The following UNC80 variants were observed in gnomAD, a reference collection of about 807,000 sequenced individuals.
UNC80 encodes unc-80 subunit of NALCN channel complex.
A neutral mutation model predicts 384.6 loss-of-function variants in UNC80; 164 were observed. That is an observed-to-expected ratio of 0.43 (90% confidence interval 0.38 to 0.49). The LOEUF is 0.49. Ranked by LOEUF, UNC80 falls within the 20% of genes least tolerant of loss-of-function variation. UNC80 has a pLI of 0.00. For synonymous variants in UNC80, 1,486 were observed against 1,527.8 expected (o/e 0.97, Z 0.64); for missense variants, 3,330 against 4,143.0 (o/e 0.80, Z 5.39).
At position 209,982,274 on chromosome 2, in the gene UNC80, A is replaced by G. The variant is rs1032613518; in HGVS notation, c.9214A>G (p.Met3072Val). The change falls in exon 60 of 65, where the codon ATG becomes GTG. Residue 3072 changes from methionine (M) to valine (V), a missense_variant. By Grantham distance (21) the Met-to-Val change is conservative. Coordinates refer to ENST00000673920, the MANE Select transcript of UNC80 (RefSeq NM_001371986.1). Reference sequence around the variant, plus strand: ...GCGATTCTCCAGCCATGTCTCCAGCATGTCTGTACCTCAGGCTGAGGTGGG... The same window carrying G: ...GCGATTCTCCAGCCATGTCTCCAGCGTGTCTGTACCTCAGGCTGAGGTGGG... ...RRRFSSHVSS[M>V]SVPQAEVGML... is the part of the protein sequence containing the mutation. The G allele has an allele frequency of 3.9e-6, 6 of 1,551,546 alleles. No individual in the cohort carries two copies. In the African/African-American group the frequency reaches 8.2e-5, roughly 21 times the overall value.
chr2:209,978,925 G>T (rs549283134), intron 59 of UNC80, among the ~76,000 whole-genome samples: 1 of 152,124 alleles, frequency 6.6e-6, no homozygotes, highest in Non-Finnish European at 1.5e-5. Flanking sequence ...AGAATTCAGG[G>T]AAAAAGTAAA....
At position 209,866,533 on chromosome 2, in the gene UNC80, C is replaced by CAGAG. The variant is rs369408644; in HGVS notation, c.3628-6195_3628-6192dup. ...ACACACACACACACACACACACACACAGAGAGAGAGAGAGAGAGAGAGAGA... is the reference window on the plus strand; with the variant it reads ...ACACACACACACACACACACACACACAGAGAGAGAGAGAGAGAGAGAGAGAGAGA... On this transcript the variant is annotated intron_variant, in intron 22 of 64. Coordinates refer to ENST00000673920, the MANE Select transcript of UNC80 (RefSeq NM_001371986.1). 5.1e-3 allele frequency among the ~76,000 whole-genome samples: 527 copies of CAGAG among 104,070 alleles called. 18 individuals carry two copies. The South Asian group carries it at 0.063, about 13-fold the overall frequency. The allele number at this position is 104,070 out of a possible 152,430, so 68.3% of individuals were successfully genotyped here. A position where few individuals can be genotyped will look rare whatever the true frequency, so the allele number is the denominator to read the frequency against.
chr2:209,811,279 T>C (rs1031034903), intron 7 of UNC80, among the ~76,000 whole-genome samples: 9 of 152,050 alleles, frequency 5.9e-5, no homozygotes, highest in African/African-American at 1.7e-4. Context: ...GCAAGCATAA[T>C]AGAGAATGAG....
At chr2:209,843,031 G>C (rs2081882592) in intron 21 of UNC80, among the ~76,000 whole-genome samples, 1 of 152,118 alleles carries the variant, frequency 6.6e-6, no homozygotes, top group African/African-American at 2.4e-5. Flanking sequence ...AGCTCCATAT[G>C]TTATCCATTT....
intron 8 of UNC80, 54 bp downstream of exon 8, chr2:209,813,895 T>C: frequency 1.3e-6 from 2 of 1,525,624 alleles, no homozygotes; most frequent in Admixed American, 4.2e-5. Flanking sequence ...CCATAATGGA[T>C]TCTTTTTTTC....
intron 25 of UNC80, among the ~76,000 whole-genome samples, chr2:209,882,694 C>T (rs1008886849): frequency 3.9e-5 from 6 of 152,154 alleles, no homozygotes; most frequent in African/African-American, 1.4e-4. Flanking sequence ...TCAGTATTAT[C>T]CCTATCAGCA....
chr2:209,837,788 T>C (rs76228141), intron 18 of UNC80, among the ~76,000 whole-genome samples: 1 of 151,714 alleles, frequency 6.6e-6, no homozygotes, highest in South Asian at 2.1e-4. Context: ...TTTTTTTTTT[T>C]TGAGACGGAG....
chr2:209,877,821 C>T lies in UNC80; in HGVS notation c.3841-133C>T, dbSNP rs1341038872. Reference sequence around the variant, plus strand: ...ACTGGCAAATATGGTGGAAACAACACTGTGGCATACAGAAGAGGCTTATGC... The same window carrying T: ...ACTGGCAAATATGGTGGAAACAACATTGTGGCATACAGAAGAGGCTTATGC... On this transcript the variant is annotated intron_variant, in intron 23 of 64. Coordinates refer to ENST00000673920, the MANE Select transcript of UNC80 (RefSeq NM_001371986.1). 5.0e-6 allele frequency: 5 copies of T among 993,568 alleles called. No homozygotes were observed. The African/African-American group carries it at 6.7e-5, about 13-fold the overall frequency. The allele number at this position is 993,568 out of a possible 1,614,324, so 61.5% of individuals were successfully genotyped here.
At chr2:209,898,528 A>C (rs1164543971) in intron 28 of UNC80, among the ~76,000 whole-genome samples, 1 of 152,148 alleles carries the variant, frequency 6.6e-6, no homozygotes, top group Non-Finnish European at 1.5e-5. Flanking sequence ...TGTGGGGTAC[A>C]TGAGGTGTTT....
chr2:209,818,537 A>T (rs1037608575), intron 11 of UNC80, among the ~76,000 whole-genome samples: 5 of 152,182 alleles, frequency 3.3e-5, no homozygotes, highest in African/African-American at 1.2e-4. Context: ...GTATTCAATG[A>T]TATCTGTTAG....
chr2:209,921,764 T>C lies in UNC80; in HGVS notation c.5530+78T>C. On this transcript the variant is annotated intron_variant, in intron 34 of 64. Coordinates refer to ENST00000673920, the MANE Select transcript of UNC80 (RefSeq NM_001371986.1). ...TGCTCTGAAATTAACATTGACAATTTTATGTGACATGAGGTGATATGCCCC... is the reference window on the plus strand; with the variant it reads ...TGCTCTGAAATTAACATTGACAATTCTATGTGACATGAGGTGATATGCCCC... The C allele has an allele frequency of 4.2e-6, 6 of 1,413,494 alleles. No individual in the cohort carries two copies. In the South Asian group the frequency reaches 9.1e-5, roughly 21 times the overall value. 87.6% of individuals were successfully genotyped at this position (1,413,494 alleles called of 1,614,324 possible).
chr2:209,786,209 A>T lies in UNC80; in HGVS notation c.724+20A>T. Reference sequence around the variant, plus strand: ...TTACAGGTTTGTAACTTGGACACTCAGTAGGACAGTATTAGCAGATTCCCT... The same window carrying T: ...TTACAGGTTTGTAACTTGGACACTCTGTAGGACAGTATTAGCAGATTCCCT... On this transcript the variant is annotated intron_variant, in intron 5 of 64. Coordinates refer to ENST00000673920, the MANE Select transcript of UNC80 (RefSeq NM_001371986.1). 1 of 1,611,780 alleles carries T rather than the reference A, an allele frequency of 6.2e-7. No individual in the cohort carries two copies. The highest frequency in any genetic ancestry group is 8.5e-7 in the Non-Finnish European group (1 of 1,178,720).
intron 44 of UNC80, 35 bp from the exon 45 acceptor site, chr2:209,943,345 A>G: frequency 6.5e-7 from 1 of 1,550,188 alleles, no homozygotes; most frequent in Non-Finnish European, 8.7e-7. Context: ...ATACTTCATT[A>G]AGGCATTTTT....
intron 51 of UNC80, among the ~76,000 whole-genome samples, chr2:209,963,504 A>T (rs556613686): frequency 4.9e-4 from 74 of 152,376 alleles, no homozygotes; most frequent in African/African-American, 1.8e-3. Context: ...AGCTCTACGT[A>T]GTCTTTGGAA....
At chr2:209,987,036 C>T (rs2093304085) in intron 61 of UNC80, among the ~76,000 whole-genome samples, 1 of 152,140 alleles carries the variant, frequency 6.6e-6, no homozygotes, top group Non-Finnish European at 1.5e-5. Context: ...ACCTAAAATA[C>T]ACCCAAAGTA....
intron 35 of UNC80, among the ~76,000 whole-genome samples, chr2:209,925,797 C>T (rs1234485094): frequency 7.2e-5 from 11 of 152,138 alleles, no homozygotes; most frequent in Admixed American, 7.2e-4. Flanking sequence ...CACATCCAAC[C>T]CAGAAGATCA....
chr2:209,775,968 G>T lies in UNC80; in HGVS notation c.221G>T (p.Arg74Ile), dbSNP rs2153824569. The T allele has an allele frequency of 6.2e-7, 1 of 1,614,160 alleles. No homozygotes were observed. The highest frequency in any genetic ancestry group is 1.7e-5 in the Admixed American group (1 of 60,030). Residue 74 changes from arginine to isoleucine, a missense_variant, in exon 3 of 65, where the codon AGA becomes ATA. Transcript: ENST00000673920. ...TCTGAAGCCATCCAGAGCATTTCCA[G>T]ATGGGAACTGGTGCAAGCTGCTTTG... ...ALSEAIQSIS[R>I]WELVQAALPH...
chr2:209,992,383 G>A, intron 62 of UNC80, 136 bp downstream of exon 62: 3 of 789,790 alleles, frequency 3.8e-6, no homozygotes, highest in East Asian at 2.7e-5. Flanking sequence ...GCTGATGTGG[G>A]AGGATTGCTT....
chr2:209,883,379 C>T (rs140954042), intron 25 of UNC80, among the ~76,000 whole-genome samples: 1 of 151,404 alleles, frequency 6.6e-6, no homozygotes, highest in African/African-American at 2.4e-5. Context: ...TTAAGTAATT[C>T]CCCCATTTTG....
Sources: gnomAD v4.1 joint callset for allele counts (sites outside exome capture counted in the v4.1 genomes callset) on GRCh38, gnomAD v4.1.1 for gene constraint, MANE v1.5 for transcripts, NCBI Gene and HGNC (gene_info 2026-07-23, HGNC 2026-07-21) for gene names.